Variants in DOK6 observed in about 807,000 individuals in gnomAD.
The protein encoded by DOK6 is downstream of tyrosine kinase 6.
A neutral mutation model predicts 44.0 loss-of-function variants in DOK6; 22 were observed. The observed-to-expected ratio is 0.50, with a 90% CI of 0.36 to 0.71. DOK6 has a LOEUF of 0.71. Ranked by LOEUF, DOK6 falls within the 30% of genes least tolerant of loss-of-function variation. The pLI is 0.00. For synonymous variants in DOK6, 166 were observed against 145.5 expected, an observed-to-expected ratio of 1.14 and a Z score of -1.01; for missense variants, 340 against 416.4, an observed-to-expected ratio of 0.82 and a Z score of 1.60.
rs148886105 is a variant in DOK6, at chr18:69,694,707, C to T, written c.410-3697C>T. 4.8e-3 allele frequency among the ~76,000 whole-genome samples: 736 copies of T among 152,104 alleles called. 4 individuals carry two copies. Among genetic ancestry groups the T allele is most frequent in the Non-Finnish European group, 8.1e-3 (551 of 67,974 alleles). On this transcript the variant is annotated intron_variant, in intron 4 of 7. Coordinates refer to ENST00000382713, the MANE Select transcript of DOK6 (RefSeq NM_152721.6). The stretch of plus-strand genomic sequence containing the variant: ...CTTTTCAAAAATTTGTTTTTCCATA[C>T]GTTCAGCAGCCTTCACAGATTAGCA...
rs546069858 is a variant in DOK6, at chr18:69,648,421, C to T, written c.290-29313C>T. 1.3e-3 allele frequency among the ~76,000 whole-genome samples: 202 copies of T among 152,208 alleles called. 1 individual carries two copies. The highest frequency in any genetic ancestry group is 2.4e-3 in the Non-Finnish European group (163 of 67,980). ...AACAAATGTGCACATTGTATTTTAG[C>T]TTTAGGTACCTCTGAACCTAAAATA... On this transcript the variant is annotated intron_variant, in intron 3 of 7. Coordinates refer to ENST00000382713, the MANE Select transcript of DOK6 (RefSeq NM_152721.6).
At chr18:69,467,893 G>C (rs1323650326) in intron 1 of DOK6, among the ~76,000 whole-genome samples, 1 of 152,142 alleles carries the variant, frequency 6.6e-6, no homozygotes, top group Non-Finnish European at 1.5e-5. Context: ...AGTTTCCAAA[G>C]GGACTTGAAG....
chr18:69,619,494 A>G (rs1984390336), intron 3 of DOK6, among the ~76,000 whole-genome samples: 1 of 152,198 alleles, frequency 6.6e-6, no homozygotes, highest in South Asian at 2.1e-4. Context: ...CACCTTCGGC[A>G]CTACATGCCT....
At chr18:69,550,074 C>T (rs1355145338) in intron 1 of DOK6, among the ~76,000 whole-genome samples, 3 of 150,724 alleles carry the variant, frequency 2.0e-5, no homozygotes, top group Admixed American at 6.6e-5. Context: ...TAGAACATAG[C>T]CAATCCAAAA....
At chr18:69,724,179 T>C (rs1022366937) in intron 5 of DOK6, among the ~76,000 whole-genome samples, 2 of 152,076 alleles carry the variant, frequency 1.3e-5, no homozygotes, top group African/African-American at 4.8e-5. Context: ...TAGAAAAAAA[T>C]AGTGGGAATT....
chr18:69,689,297 T>C (rs1400169001), intron 4 of DOK6, among the ~76,000 whole-genome samples: 1 of 152,198 alleles, frequency 6.6e-6, no homozygotes, highest in South Asian at 2.1e-4. Flanking sequence ...ATACGTAAGA[T>C]ATGAACATTC....
rs1981989348 is a variant in DOK6 at position 69,834,539 on chromosome 18, A to C, written c.857-6705A>C. On this transcript the variant is annotated intron_variant, in intron 7 of 7. Transcript: ENST00000382713. ...GCTAGTAAAGAACTCCAATATGTCC[A>C]ACACACAAAAAGAGATAAATGCTTG... Among the ~76,000 whole-genome samples, 4 of 152,318 alleles carry C rather than the reference A, an allele frequency of 2.6e-5. No homozygotes were observed. In the South Asian group the frequency reaches 8.3e-4, roughly 32 times the overall value.
At chr18:69,480,606 A>G (rs1980390041) in intron 1 of DOK6, among the ~76,000 whole-genome samples, 1 of 152,128 alleles carries the variant, frequency 6.6e-6, no homozygotes, top group Non-Finnish European at 1.5e-5. Flanking sequence ...TTGAATTAAG[A>G]TCTATTTGTC....
intron 1 of DOK6, among the ~76,000 whole-genome samples, chr18:69,529,056 C>G (rs1981914777): frequency 6.6e-6 from 1 of 152,164 alleles, no homozygotes; most frequent in Admixed American, 6.5e-5. Context: ...CTTATTCTCC[C>G]TTTCTCTTTG....
At chr18:69,436,170 G>GA (rs1978972328) in intron 1 of DOK6, among the ~76,000 whole-genome samples, 2 of 106,284 alleles carry the variant, frequency 1.9e-5, no homozygotes, top group Admixed American at 2.1e-4. Flanking sequence ...GAATTATCTG[G>GA]ATTTTTTTTT....
intron 3 of DOK6, among the ~76,000 whole-genome samples, chr18:69,664,603 A>C (rs1263636122): frequency 6.6e-6 from 1 of 152,218 alleles, no homozygotes; most frequent in Non-Finnish European, 1.5e-5. Context: ...AAAGATACTC[A>C]TCACATTCCT....
At chr18:69,433,910 A>T (rs570408506) in intron 1 of DOK6, among the ~76,000 whole-genome samples, 1 of 152,178 alleles carries the variant, frequency 6.6e-6, no homozygotes, top group South Asian at 2.1e-4. Flanking sequence ...TATATACTAT[A>T]TAAAGTTTTC....
chr18:69,586,774 G>GC (rs1448835526), intron 2 of DOK6, among the ~76,000 whole-genome samples: 3 of 151,862 alleles, frequency 2.0e-5, no homozygotes, highest in African/African-American at 4.8e-5. Context: ...TCCTCCTGGG[G>GC]CCCCGATACT....
intron 1 of DOK6, among the ~76,000 whole-genome samples, chr18:69,497,093 A>C (rs1980912058): frequency 6.6e-6 from 1 of 152,184 alleles, no homozygotes. Context: ...AACAGGTTTG[A>C]GTTAGTATTG....
At chr18:69,739,137 G>C (rs1293508473) in intron 6 of DOK6, 34 bp downstream of exon 6, 1 of 1,611,062 alleles carries the variant, frequency 6.2e-7, no homozygotes, top group East Asian at 2.2e-5. Context: ...TATCAGCTTG[G>C]AAATGAATGT....
intron 7 of DOK6, among the ~76,000 whole-genome samples, chr18:69,775,092 A>G (rs1980021105): frequency 2.0e-5 from 3 of 151,932 alleles, no homozygotes; most frequent in South Asian, 4.1e-4. Context: ...TAACCATTCA[A>G]GAAATGAGGC....
At chr18:69,516,202 C>T (rs1309363932) in intron 1 of DOK6, among the ~76,000 whole-genome samples, 1 of 151,840 alleles carries the variant, frequency 6.6e-6, no homozygotes, top group Admixed American at 6.6e-5. Flanking sequence ...GAATGTTTCA[C>T]ATTCTAGGTA....
chr18:69,530,246 CT>C (rs962445887), intron 1 of DOK6, among the ~76,000 whole-genome samples: 3 of 151,984 alleles, frequency 2.0e-5, no homozygotes, highest in South Asian at 2.1e-4. Context: ...TACTGGACAC[CT>C]TTTTTTTATT....
chr18:69,809,775 A>G lies in DOK6; in HGVS notation c.857-31469A>G, dbSNP rs1042953633. On this transcript the variant is annotated intron_variant, in intron 7 of 7. Transcript: ENST00000382713. ...CAAATACTTAGAAATAAATTCAACC[A>G]AGGAGGTGAAAGACCTGTACACAGA... 9.2e-5 allele frequency among the ~76,000 whole-genome samples: 14 copies of G among 151,998 alleles called. No individual in the cohort carries two copies. The East Asian group carries it at 2.7e-3, about 29-fold the overall frequency.
Sources: gnomAD v4.1 joint callset for allele counts (sites outside exome capture counted in the v4.1 genomes callset) on GRCh38, gnomAD v4.1.1 for gene constraint, MANE v1.5 for transcripts, NCBI Gene and HGNC (gene_info 2026-07-23, HGNC 2026-07-21) for gene names.